Variants in DPP10 observed in about 807,000 individuals in gnomAD.
DPP10 encodes inactive dipeptidyl peptidase 10.
In DPP10, 33 loss-of-function variants were observed where a neutral mutation model predicts 120.9. That is an observed-to-expected ratio of 0.27 (90% CI 0.21 to 0.37). DPP10 has a LOEUF of 0.37. Ranked by LOEUF, DPP10 falls within the 10% of genes least tolerant of loss-of-function variation. The pLI, the probability that DPP10 is intolerant of heterozygous loss-of-function variation, is 1.00. For synonymous variants in DPP10, 337 were observed against 326.1 expected (o/e 1.03, Z -0.36); for missense variants, 816 against 942.8 (o/e 0.87, Z 1.76).
At chr2:115,548,306 C>T (rs1262706910) in intron 5 of DPP10, among the ~76,000 whole-genome samples, 1 of 152,120 alleles carries the variant, frequency 6.6e-6, no homozygotes, top group Non-Finnish European at 1.5e-5. Context: ...ATGACAGTAT[C>T]ATCAACAAAG....
At chr2:115,175,408 G>A (rs1289095943) in intron 1 of DPP10, among the ~76,000 whole-genome samples, 1 of 152,004 alleles carries the variant, frequency 6.6e-6, no homozygotes, top group Non-Finnish European at 1.5e-5. Flanking sequence ...TAAGAGGGGT[G>A]GGGGAACAGG....
At chr2:114,796,472 T>C (rs1289367243) in intron 1 of DPP10, among the ~76,000 whole-genome samples, 3 of 151,844 alleles carry the variant, frequency 2.0e-5, no homozygotes, top group Non-Finnish European at 4.4e-5. Flanking sequence ...ATATAGTATA[T>C]AATATATATA....
At chr2:114,668,140 G>A (rs969885110) in intron 1 of DPP10, among the ~76,000 whole-genome samples, 2 of 151,996 alleles carry the variant, frequency 1.3e-5, no homozygotes, top group Admixed American at 6.6e-5. Context: ...TCATGTGATC[G>A]CTGAGGCCAA....
chr2:115,492,769 T>A (rs907370357), intron 3 of DPP10, among the ~76,000 whole-genome samples: 5 of 151,992 alleles, frequency 3.3e-5, no homozygotes, highest in African/African-American at 1.2e-4. Context: ...GTTTATAAAG[T>A]AATTGAAAAC....
chr2:115,564,320 A>G (rs1197913165), intron 5 of DPP10, among the ~76,000 whole-genome samples: 2 of 151,020 alleles, frequency 1.3e-5, no homozygotes, highest in Non-Finnish European at 2.9e-5. Flanking sequence ...TTGCTCAGGT[A>G]AAAAAGTAAG....
chr2:115,195,444 T>A (rs188257275), intron 1 of DPP10, among the ~76,000 whole-genome samples: 1 of 152,222 alleles, frequency 6.6e-6, no homozygotes, highest in Admixed American at 6.5e-5. Context: ...TTTGTCTTGA[T>A]AGTAATACCT....
chr2:115,638,672 A>G (rs1483748045), intron 5 of DPP10, among the ~76,000 whole-genome samples: 1 of 152,188 alleles, frequency 6.6e-6, no homozygotes, highest in African/African-American at 2.4e-5. Context: ...TCTCCATTGT[A>G]TGATTGAGTC....
rs552202826 is a variant in DPP10, at chr2:115,027,410, C to T, written c.61-281829C>T. On this transcript the variant is annotated intron_variant, in intron 1 of 25. Coordinates refer to ENST00000410059, the MANE Select transcript of DPP10 (RefSeq NM_020868.6). ...AAAGTTTTGATAATATGATGTATGT[C>T]ATTTATTGACTTGCATATATTAGAC... is the stretch of plus-strand genomic sequence containing the variant. Among the ~76,000 whole-genome samples, 8 of 152,028 alleles carry T rather than the reference C, an allele frequency of 5.3e-5. No individual in the cohort carries two copies. The East Asian group carries it at 1.5e-3, about 29-fold the overall frequency.
intron 1 of DPP10, among the ~76,000 whole-genome samples, chr2:114,727,160 CA>C (rs1192586300): frequency 6.6e-6 from 1 of 152,152 alleles, no homozygotes; most frequent in East Asian, 1.9e-4. Flanking sequence ...GCTGTAGAGG[CA>C]GTAGGCTGGG....
chr2:114,455,296 G>A (rs889264609), intron 1 of DPP10, among the ~76,000 whole-genome samples: 2 of 152,064 alleles, frequency 1.3e-5, no homozygotes, highest in Admixed American at 1.3e-4. Context: ...TGTAATCCCA[G>A]CACTTAGGGA....
At chr2:115,140,547 G>C (rs1052879204) in intron 1 of DPP10, among the ~76,000 whole-genome samples, 1 of 152,158 alleles carries the variant, frequency 6.6e-6, no homozygotes, top group Admixed American at 6.5e-5. Context: ...CTTTTAAATA[G>C]CTTATTTTAG....
chr2:115,542,073 A>G (rs1451108691), intron 5 of DPP10, among the ~76,000 whole-genome samples: 1 of 151,952 alleles, frequency 6.6e-6, no homozygotes, highest in African/African-American at 2.4e-5. Context: ...TCATACAATT[A>G]TAGATCTTAA....
intron 1 of DPP10, among the ~76,000 whole-genome samples, chr2:115,120,272 T>C (rs2049754477): frequency 6.6e-6 from 1 of 152,170 alleles, no homozygotes; most frequent in East Asian, 1.9e-4. Context: ...GGGGGGTTAA[T>C]TGGATAGACC....
chr2:114,519,505 G>A (rs1684875223), intron 1 of DPP10, among the ~76,000 whole-genome samples: 1 of 152,202 alleles, frequency 6.6e-6, no homozygotes, highest in Admixed American at 6.5e-5. Context: ...ATGTGACAAA[G>A]ACATTTCCAG....
At chr2:115,750,440 C>T (rs547398791) in intron 10 of DPP10, among the ~76,000 whole-genome samples, 15 of 152,240 alleles carry the variant, frequency 9.9e-5, no homozygotes, top group African/African-American at 2.4e-4. Flanking sequence ...TTGAAATGGT[C>T]GTTTGTTAGA....
intron 1 of DPP10, among the ~76,000 whole-genome samples, chr2:114,624,390 G>A (rs1037553625): frequency 4.6e-5 from 7 of 151,780 alleles, no homozygotes; most frequent in Admixed American, 2.0e-4. Flanking sequence ...TGTCTTTTTT[G>A]GCAGACTAGT....
chr2:114,776,738 G>A (rs1681781226), intron 1 of DPP10, among the ~76,000 whole-genome samples: 1 of 152,032 alleles, frequency 6.6e-6, no homozygotes. Context: ...ACATATTCAA[G>A]TTGTAGTGAT....
chr2:115,287,781 C>G (rs550509226), intron 1 of DPP10, among the ~76,000 whole-genome samples: 1 of 152,156 alleles, frequency 6.6e-6, no homozygotes, highest in African/African-American at 2.4e-5. Flanking sequence ...ACTAAAATAC[C>G]TAGGGACATA....
chr2:114,708,954 C>G (rs1700852159), intron 1 of DPP10, among the ~76,000 whole-genome samples: 1 of 152,134 alleles, frequency 6.6e-6, no homozygotes, highest in African/African-American at 2.4e-5. Flanking sequence ...CAGTGTTTCA[C>G]TATGTAAACC....
Sources: gnomAD v4.1 joint callset for allele counts (sites outside exome capture counted in the v4.1 genomes callset) on GRCh38, gnomAD v4.1.1 for gene constraint, MANE v1.5 for transcripts, NCBI Gene and HGNC (gene_info 2026-07-23, HGNC 2026-07-21) for gene names.